Variants in PIK3C3 observed in about 807,000 individuals in gnomAD.
PIK3C3 encodes the protein phosphatidylinositol 3-kinase catalytic subunit type 3, also known as PI3-kinase type 3.
PIK3C3 carries 95 observed loss-of-function variants against 126.1 expected under a neutral mutation model. The ratio of observed to expected loss-of-function variants is 0.75; its 90% CI spans 0.64 to 0.89. PIK3C3 has a LOEUF of 0.89. Ranked by LOEUF, PIK3C3 falls within the 40% of genes least tolerant of loss-of-function variation. PIK3C3 has a pLI of 0.00. For missense variants in PIK3C3, 829 were observed against 1,063.2 expected, an observed-to-expected ratio of 0.78 and a Z score of 3.06; for synonymous variants, 374 against 360.0, an observed-to-expected ratio of 1.04 and a Z score of -0.44.
rs777802674 is a variant in PIK3C3 at position 41,970,392 on chromosome 18, C to A, written c.467C>A (p.Pro156His). The change falls in exon 4 of 25, where the codon CCC becomes CAC. Residue 156 changes from proline to histidine, a missense_variant. Pro to His is a moderately conservative substitution (Grantham distance 77). Coordinates refer to ENST00000262039, the MANE Select transcript of PIK3C3 (RefSeq NM_002647.4). The part of the protein sequence containing the change: ...WPNVEADGSE[P>H]TKTPGRTSST... ...AATGTAGAAGCAGATGGATCAGAAC[C>A]CACAAAAACTCCTGGCAGAACAAGT... The A allele has an allele frequency of 6.2e-7, 1 of 1,613,440 alleles. No individual in the cohort carries two copies. The highest frequency in any genetic ancestry group is 1.1e-5 in the South Asian group (1 of 91,060).
chr18:42,080,900 A>G lies in PIK3C3; in HGVS notation c.2650-223A>G, dbSNP rs149247386. Among the ~76,000 whole-genome samples the G allele has an allele frequency of 1.2e-3, 187 of 152,282 alleles. 2 individuals are homozygous for G. The highest frequency in any genetic ancestry group is 3.4e-3 in the Middle Eastern group (1 of 294). On this transcript the variant is annotated intron_variant, in intron 24 of 24. Coordinates refer to ENST00000262039, the MANE Select transcript of PIK3C3 (RefSeq NM_002647.4). ...TTCATCTTGAGCTTACAGTCAGCAGACACCCTCTCCTTGAATTATTTTCTC... is the reference window on the plus strand; with the variant it reads ...TTCATCTTGAGCTTACAGTCAGCAGGCACCCTCTCCTTGAATTATTTTCTC...
In PIK3C3 at chr18:42,038,859, ATT is replaced by A. The variant is rs749763320; in HGVS notation, c.2038+12_2038+13del. The A allele has an allele frequency of 4.7e-6, 7 of 1,499,368 alleles. No individual in the cohort carries two copies. Among genetic ancestry groups the A allele is most frequent in the Non-Finnish European group, 6.5e-6 (7 of 1,084,358 alleles). 92.9% of individuals were successfully genotyped at this position (1,499,368 alleles called of 1,614,324 possible). A position where few individuals can be genotyped will look rare whatever the true frequency, so the allele number is the denominator to read the frequency against. Reference sequence around the variant, plus strand: ...CACCAGTACAAAACATGGTAAGTGTATTTTACATCATTATTATTTACTTTAGT... The same window carrying A: ...CACCAGTACAAAACATGGTAAGTGTATTACATCATTATTATTTACTTTAGT... On this transcript the variant is annotated intron_variant, in intron 18 of 24. Transcript: ENST00000262039.
At position 42,087,400 on chromosome 18, in the gene PIK3C3, G is replaced by A. The variant is rs973376449; in HGVS notation, c.*6263G>A. The A allele has an allele frequency of 5.3e-5, 8 of 152,146 alleles. No homozygotes were observed. The highest frequency in any genetic ancestry group is 2.0e-4 in the Admixed American group (3 of 15,272). 9.4% of individuals were successfully genotyped at this position (152,146 alleles called of 1,614,324 possible). On this transcript the variant is annotated 3_prime_UTR_variant, in exon 25 of 25. Coordinates refer to ENST00000262039, the MANE Select transcript of PIK3C3 (RefSeq NM_002647.4). ...GCTGGTCGCCCCACCCTAATCTTAT[G>A]CAAATGGGCTTTCCAGTTGATTGGG...
chr18:42,081,891 A>G lies in PIK3C3; in HGVS notation c.*754A>G, dbSNP rs1484761107. 1 of 152,206 alleles carries G rather than the reference A, an allele frequency of 6.6e-6. No individual in the cohort carries two copies. The highest frequency in any genetic ancestry group is 1.5e-5 in the Non-Finnish European group (1 of 68,018). The allele number at this position is 152,206 out of a possible 1,614,324, so 9.4% of individuals were successfully genotyped here. On this transcript the variant is annotated 3_prime_UTR_variant, in exon 25 of 25. Coordinates refer to ENST00000262039, the MANE Select transcript of PIK3C3 (RefSeq NM_002647.4). ...GAGCATAAGATATTTTTACATATTC[A>G]TGTAAGACAATGTAAATTGTCTTTC...
At chr18:42,035,954 T>G (rs573488567) in intron 16 of PIK3C3, among the ~76,000 whole-genome samples, 6 of 152,312 alleles carry the variant, frequency 3.9e-5, no homozygotes, top group African/African-American at 7.2e-5. Flanking sequence ...ATCCTGTGGT[T>G]GTTTTCTTGC....
rs1303080113 is a variant in PIK3C3, at chr18:42,083,057, GGAA to G, written c.*1922_*1924del. ...AGGAAGGTTGATGCGTGTTGGGTGA[GGAA>G]GGAGCATCTCTCAGGAGGGTAAACA... is the stretch of plus-strand genomic sequence containing the variant. On this transcript the variant is annotated 3_prime_UTR_variant, in exon 25 of 25. Transcript: ENST00000262039. 1.6e-4 allele frequency: 24 copies of G among 152,284 alleles called. No homozygotes were observed. Among genetic ancestry groups the G allele is most frequent in the African/African-American group, 5.8e-4 (24 of 41,556 alleles). 9.4% of individuals were successfully genotyped at this position (152,284 alleles called of 1,614,324 possible).
chr18:42,009,805 A>G (rs1166020159), intron 10 of PIK3C3, among the ~76,000 whole-genome samples: 2 of 152,070 alleles, frequency 1.3e-5, no homozygotes, highest in South Asian at 2.1e-4. Flanking sequence ...AGCAATGTAC[A>G]TATCTTTTTT....
intron 24 of PIK3C3, among the ~76,000 whole-genome samples, chr18:42,079,573 A>G (rs1257591115): frequency 3.5e-5 from 4 of 113,006 alleles, no homozygotes; most frequent in Non-Finnish European, 6.7e-5. Context: ...CAGGCTTTCA[A>G]TTTGTTAAAA....
intron 4 of PIK3C3, among the ~76,000 whole-genome samples, chr18:41,983,467 A>G (rs1359681205): frequency 6.6e-6 from 1 of 151,784 alleles, no homozygotes; most frequent in East Asian, 1.9e-4. Flanking sequence ...TTTGTTTTCC[A>G]TTATGTCTGT....
chr18:42,076,890 A>G (rs942735903), intron 24 of PIK3C3, among the ~76,000 whole-genome samples: 16 of 152,204 alleles, frequency 1.1e-4, no homozygotes, highest in African/African-American at 3.6e-4. Flanking sequence ...TTCTGTCAAA[A>G]CCTTTTATAA....
chr18:42,009,662 A>G (rs1982716356), intron 10 of PIK3C3, among the ~76,000 whole-genome samples: 1 of 145,168 alleles, frequency 6.9e-6, no homozygotes, highest in Non-Finnish European at 1.5e-5. Flanking sequence ...TATGTAATGT[A>G]CATTATGTAA....
chr18:41,995,817 T>A, intron 7 of PIK3C3, 73 bp from the exon 8 acceptor site: 1 of 1,038,080 alleles, frequency 9.6e-7, no homozygotes. Context: ...AAGTACCTTT[T>A]CTATTTATGA....
chr18:42,078,228 T>C (rs555571871), intron 24 of PIK3C3, among the ~76,000 whole-genome samples: 1,625 of 150,854 alleles, frequency 0.011, 27 homozygotes, highest in African/African-American at 0.038. Flanking sequence ...ATACAAAAAA[T>C]TAGCCGGGTG....
chr18:42,051,921 A>G (rs1038712720), intron 21 of PIK3C3, among the ~76,000 whole-genome samples: 10 of 152,114 alleles, frequency 6.6e-5, no homozygotes, highest in African/African-American at 2.2e-4. Flanking sequence ...ACATGTATAC[A>G]TATGTAACAA....
chr18:41,995,200 C>G (rs1448772635), intron 7 of PIK3C3, among the ~76,000 whole-genome samples: 2 of 151,856 alleles, frequency 1.3e-5, no homozygotes, highest in African/African-American at 4.8e-5. Context: ...AGTTAACAAA[C>G]TGGGAGAAAA....
chr18:41,958,680 T>G (rs1363212882), intron 2 of PIK3C3, among the ~76,000 whole-genome samples: 1 of 152,178 alleles, frequency 6.6e-6, no homozygotes, highest in Non-Finnish European at 1.5e-5. Context: ...CCTATCTATC[T>G]GTATATATAT....
chr18:42,052,135 T>A (rs1046566471), intron 21 of PIK3C3, among the ~76,000 whole-genome samples: 1 of 152,058 alleles, frequency 6.6e-6, no homozygotes, highest in Admixed American at 6.6e-5. Context: ...TCTGTTATAC[T>A]TTGAAAAGTG....
At chr18:41,982,819 C>CT (rs1226844884) in intron 4 of PIK3C3, among the ~76,000 whole-genome samples, 3 of 152,142 alleles carry the variant, frequency 2.0e-5, no homozygotes, top group Non-Finnish European at 4.4e-5. Flanking sequence ...CATACCGTAT[C>CT]TGTGTGCTTA....
At chr18:42,048,074 T>A (rs961592413) in intron 20 of PIK3C3, among the ~76,000 whole-genome samples, 1 of 152,212 alleles carries the variant, frequency 6.6e-6, no homozygotes, top group African/African-American at 2.4e-5. Context: ...CTGTAGTTTA[T>A]TCTCCCTTCA....
Sources: allele counts gnomAD v4.1 joint callset (sites outside exome capture counted in the v4.1 genomes callset), GRCh38; gene constraint gnomAD v4.1.1; transcripts MANE v1.5; gene names NCBI Gene and HGNC (gene_info 2026-07-23, HGNC 2026-07-21).